SOX5: variants seen among roughly 807,000 people sequenced by gnomAD.
SOX5 encodes transcription factor SOX-5.
In SOX5, 9 loss-of-function variants were observed where a neutral mutation model predicts 92.0. The observed-to-expected ratio is 0.10, with a 90% confidence interval of 0.06 to 0.17. The LOEUF is 0.17. Ranked by LOEUF, SOX5 falls within the 10% of genes least tolerant of loss-of-function variation. SOX5 has a pLI of 1.00. For synonymous variants in SOX5, 344 were observed against 336.3 expected, an observed-to-expected ratio of 1.02 and a Z score of -0.25; for missense variants, 642 against 944.5, an observed-to-expected ratio of 0.68 and a Z score of 4.20.
At chr12:24,552,535 G>C (rs982945424) in intron 1 of SOX5, among the ~76,000 whole-genome samples, 4 of 152,208 alleles carry the variant, frequency 2.6e-5, no homozygotes, top group Non-Finnish European at 4.4e-5. Context: ...TCACCTTTGA[G>C]AAACACTGTT....
At chr12:23,949,753 C>CTCTCTGTCT, upstream of SOX5, 1 of 732,784 alleles carries the variant, frequency 1.4e-6, no homozygotes, top group Non-Finnish European at 2.0e-6. Context: ...TCTCTCTCTC[C>CTCTCTGTCT]CTCTCTCTCT....
intron 4 of SOX5, among the ~76,000 whole-genome samples, chr12:23,990,688 A>C (rs535651352): frequency 1.3e-5 from 2 of 152,138 alleles, no homozygotes; most frequent in Admixed American, 1.3e-4. Flanking sequence ...CCATGTATTC[A>C]TGTGTATTAT....
At chr12:23,827,924 A>G (rs2096257892) in intron 3 of SOX5, among the ~76,000 whole-genome samples, 1 of 152,182 alleles carries the variant, frequency 6.6e-6, no homozygotes, top group South Asian at 2.1e-4. Flanking sequence ...AATTTGCTGA[A>G]CTATAACCTC....
intron 8 of SOX5, among the ~76,000 whole-genome samples, chr12:23,606,969 G>A (rs529924890): frequency 5.3e-5 from 8 of 152,186 alleles, no homozygotes; most frequent in South Asian, 4.1e-4. Flanking sequence ...ATACAGAGAC[G>A]GAATGTAATT....
intron 1 of SOX5, among the ~76,000 whole-genome samples, chr12:24,375,401 T>G (rs760241385): frequency 1.3e-5 from 2 of 152,156 alleles, no homozygotes; most frequent in Non-Finnish European, 2.9e-5. Context: ...GTGTTCACTT[T>G]TTATTCCCTT....
intron 3 of SOX5, among the ~76,000 whole-genome samples, chr12:24,239,926 G>A (rs779740174): frequency 2.0e-5 from 3 of 152,086 alleles, no homozygotes; most frequent in Non-Finnish European, 2.9e-5. Context: ...GAAGACATAA[G>A]GAATAAAACT....
intron 4 of SOX5, among the ~76,000 whole-genome samples, chr12:24,057,455 T>C (rs1375930332): frequency 2.0e-5 from 3 of 152,216 alleles, no homozygotes; most frequent in Non-Finnish European, 2.9e-5. Flanking sequence ...TTTTGTGTTA[T>C]ATAAAAATTT....
chr12:24,077,783 ATATATAT>A (rs1460812885), intron 4 of SOX5, among the ~76,000 whole-genome samples: 3 of 138,844 alleles, frequency 2.2e-5, no homozygotes, highest in African/African-American at 8.1e-5. Context: ...ATATATATAT[ATATATAT>A]ATATATATAT....
intron 4 of SOX5, among the ~76,000 whole-genome samples, chr12:24,091,105 A>G (rs1944583955): frequency 6.6e-6 from 1 of 152,204 alleles, no homozygotes; most frequent in Non-Finnish European, 1.5e-5. Context: ...CCAATTCAAA[A>G]AAACAAACTT....
At chr12:24,129,886 T>C (rs1433707665) in intron 4 of SOX5, among the ~76,000 whole-genome samples, 6 of 152,260 alleles carry the variant, frequency 3.9e-5, no homozygotes, top group African/African-American at 1.4e-4. Flanking sequence ...CCATTTGTTT[T>C]ATTTTCTTTT....
chr12:24,296,114 C>A (rs1286802137), intron 2 of SOX5, among the ~76,000 whole-genome samples: 1 of 152,174 alleles, frequency 6.6e-6, no homozygotes, highest in Non-Finnish European at 1.5e-5. Context: ...ACTTCATAAT[C>A]TTTCACTTGA....
At chr12:24,367,044 T>A (rs976547089) in intron 2 of SOX5, among the ~76,000 whole-genome samples, 1 of 152,164 alleles carries the variant, frequency 6.6e-6, no homozygotes, top group African/African-American at 2.4e-5. Flanking sequence ...CTTAGACACA[T>A]ATAAGAAAAT....
chr12:24,116,956 C>A (rs1948071562), intron 4 of SOX5, among the ~76,000 whole-genome samples: 1 of 143,548 alleles, frequency 7.0e-6, no homozygotes. Context: ...AAAACTTTAT[C>A]CAATTATCTA....
intron 4 of SOX5, among the ~76,000 whole-genome samples, chr12:24,186,250 T>G (rs1408032241): frequency 6.6e-6 from 1 of 152,098 alleles, no homozygotes. Context: ...TAGTATGAGG[T>G]GAGTGAACAT....
At chr12:23,642,834 TC>T (rs2080265597) in intron 7 of SOX5, among the ~76,000 whole-genome samples, 1 of 111,168 alleles carries the variant, frequency 9.0e-6, no homozygotes, top group Admixed American at 8.0e-5. Context: ...ACGCCTGTAA[TC>T]CCAGCACTTT....
chr12:24,240,819 C>G (rs1314587330), intron 3 of SOX5, among the ~76,000 whole-genome samples: 1 of 152,292 alleles, frequency 6.6e-6, no homozygotes. Context: ...GTTTTCCATA[C>G]AGCCATTCTA....
chr12:24,547,842 A>G (rs528503837), intron 1 of SOX5, among the ~76,000 whole-genome samples: 1 of 152,348 alleles, frequency 6.6e-6, no homozygotes, highest in East Asian at 1.9e-4. Flanking sequence ...CTCACAGACA[A>G]GTATCAAAAT....
chr12:24,185,072 G>C (rs1269245488), intron 4 of SOX5, among the ~76,000 whole-genome samples: 2 of 152,048 alleles, frequency 1.3e-5, no homozygotes, highest in African/African-American at 4.8e-5. Flanking sequence ...CTCACTGCCA[G>C]CCTGACACTG....
chr12:24,371,235 C>G (rs148105580), intron 1 of SOX5, among the ~76,000 whole-genome samples: 9 of 152,208 alleles, frequency 5.9e-5, no homozygotes, highest in African/African-American at 2.2e-4. Context: ...CTAGGGCCTA[C>G]GGACAAGCCC....
Sources: gnomAD v4.1 joint callset for allele counts (sites outside exome capture counted in the v4.1 genomes callset) on GRCh38, gnomAD v4.1.1 for gene constraint, MANE v1.5 for transcripts, NCBI Gene and HGNC (gene_info 2026-07-23, HGNC 2026-07-21) for gene names.